Variants in NAALADL2 observed in about 807,000 individuals in gnomAD.
The protein encoded by NAALADL2 is N-acetylated alpha-linked acidic dipeptidase like 2.
Under a neutral mutation model 87.2 loss-of-function variants are expected in NAALADL2, and 76 were observed. The ratio of observed to expected loss-of-function variants is 0.87; its 90% CI spans 0.72 to 1.05. The LOEUF (loss-of-function observed/expected upper bound fraction) is 1.05. Ranked by LOEUF, NAALADL2 falls within the 50% of genes least tolerant of loss-of-function variation. NAALADL2 has a pLI of 0.00. For synonymous variants in NAALADL2, 354 were observed against 331.0 expected (o/e 1.07, Z -0.75); for missense variants, 1,089 against 945.8 (o/e 1.15, Z -1.99).
intron 2 of NAALADL2, among the ~76,000 whole-genome samples, chr3:174,600,858 T>A (rs890398747): frequency 1.3e-5 from 2 of 152,164 alleles, no homozygotes; most frequent in African/African-American, 4.8e-5. Flanking sequence ...TCTGCTCCCA[T>A]GATCCAGTCA....
chr3:174,812,922 AAAAGT>A (rs1181492570), intron 3 of NAALADL2, among the ~76,000 whole-genome samples: 2 of 152,320 alleles, frequency 1.3e-5, no homozygotes, highest in South Asian at 2.1e-4. Flanking sequence ...AAAGAATCAA[AAAAGT>A]AAAGACATTA....
chr3:175,740,826 G>C (rs1393794798), intron 12 of NAALADL2, among the ~76,000 whole-genome samples: 1 of 152,074 alleles, frequency 6.6e-6, no homozygotes, highest in African/African-American at 2.4e-5. Context: ...TAATAAACTT[G>C]CTTTTGATTT....
At chr3:175,183,742 T>G (rs73043257) in intron 2 of NAALADL2, among the ~76,000 whole-genome samples, 1 of 152,228 alleles carries the variant, frequency 6.6e-6, no homozygotes, top group African/African-American at 2.4e-5. Context: ...TAGGATTTTG[T>G]TGAGGACATT....
At chr3:175,780,945 T>C (rs554003544) in intron 13 of NAALADL2, among the ~76,000 whole-genome samples, 122 of 151,652 alleles carry the variant, frequency 8.0e-4, no homozygotes, top group Non-Finnish European at 1.4e-3. Context: ...AATAATCTTA[T>C]TTATTTTCAA....
intron 5 of NAALADL2, among the ~76,000 whole-genome samples, chr3:175,445,715 TTTC>T (rs1477940358): frequency 2.0e-5 from 3 of 152,244 alleles, no homozygotes; most frequent in Non-Finnish European, 2.9e-5. Flanking sequence ...AATGATTAAA[TTTC>T]TTCTTGCACA....
intron 1 of NAALADL2, among the ~76,000 whole-genome samples, chr3:174,990,699 A>C (rs1001079674): frequency 7.9e-5 from 12 of 152,126 alleles, no homozygotes; most frequent in African/African-American, 2.9e-4. Flanking sequence ...ATACAAGTAT[A>C]TTTTCATTGC....
At chr3:175,302,764 A>G (rs912713524) in intron 4 of NAALADL2, among the ~76,000 whole-genome samples, 6 of 152,114 alleles carry the variant, frequency 3.9e-5, no homozygotes, top group East Asian at 1.9e-4. Context: ...TACTTACTCA[A>G]TTTAAATGCA....
At chr3:174,623,860 G>A (rs1721290166) in intron 2 of NAALADL2, among the ~76,000 whole-genome samples, 1 of 152,060 alleles carries the variant, frequency 6.6e-6, no homozygotes, top group Admixed American at 6.6e-5. Context: ...CTTCTACCAT[G>A]TAAATAGGAG....
intron 2 of NAALADL2, among the ~76,000 whole-genome samples, chr3:175,111,847 G>C (rs1724244608): frequency 6.6e-6 from 1 of 151,612 alleles, no homozygotes; most frequent in Admixed American, 6.6e-5. Context: ...TTATTGTGAA[G>C]ACTTGAAATC....
intron 2 of NAALADL2, among the ~76,000 whole-genome samples, chr3:174,702,875 T>C (rs1363205945): frequency 6.6e-6 from 1 of 152,154 alleles, no homozygotes; most frequent in Non-Finnish European, 1.5e-5. Flanking sequence ...TAGTTTATGA[T>C]TGATTTATGT....
At chr3:175,384,343 A>AT (rs1476454016) in intron 5 of NAALADL2, among the ~76,000 whole-genome samples, 1 of 152,072 alleles carries the variant, frequency 6.6e-6, no homozygotes, top group Non-Finnish European at 1.5e-5. Flanking sequence ...GATGACACAG[A>AT]TTTTGTATTC....
intron 2 of NAALADL2, among the ~76,000 whole-genome samples, chr3:174,605,290 C>G (rs962110891): frequency 6.6e-6 from 1 of 152,288 alleles, no homozygotes; most frequent in Non-Finnish European, 1.5e-5. Context: ...GTTCATCTCA[C>G]TAGGAAGTGC....
At chr3:175,165,094 G>C (rs566865756) in intron 2 of NAALADL2, among the ~76,000 whole-genome samples, 2 of 152,202 alleles carry the variant, frequency 1.3e-5, no homozygotes, top group African/African-American at 4.8e-5. Context: ...ACTTATATTT[G>C]ACTTCTGATC....
chr3:175,439,513 T>A (rs199794003), intron 5 of NAALADL2, among the ~76,000 whole-genome samples: 54 of 147,210 alleles, frequency 3.7e-4, no homozygotes, highest in African/African-American at 1.1e-3. Flanking sequence ...TATTTTTTTT[T>A]AATTTTTTGA....
chr3:175,786,856 G>T (rs1035821559), intron 13 of NAALADL2, among the ~76,000 whole-genome samples: 11 of 152,020 alleles, frequency 7.2e-5, no homozygotes, highest in Admixed American at 4.6e-4. Context: ...TCTACTTTTG[G>T]TCTTTGATTA....
At chr3:174,525,959 A>G (rs986200478) in intron 1 of NAALADL2, among the ~76,000 whole-genome samples, 10 of 152,168 alleles carry the variant, frequency 6.6e-5, no homozygotes, top group Non-Finnish European at 1.2e-4. Flanking sequence ...AGTTTCATAG[A>G]TTTTAATTAG....
chr3:175,625,507 C>T (rs987723214), intron 10 of NAALADL2, among the ~76,000 whole-genome samples: 1 of 151,862 alleles, frequency 6.6e-6, no homozygotes, highest in Non-Finnish European at 1.5e-5. Flanking sequence ...TTGATGATAT[C>T]ATTTAAACTG....
chr3:174,520,729 C>T (rs958249952), intron 1 of NAALADL2, among the ~76,000 whole-genome samples: 1 of 152,114 alleles, frequency 6.6e-6, no homozygotes, highest in African/African-American at 2.4e-5. Context: ...ACTTAAAATG[C>T]TTCTGCACGA....
At chr3:174,815,994 A>G (rs571598520) in intron 3 of NAALADL2, among the ~76,000 whole-genome samples, 1 of 152,132 alleles carries the variant, frequency 6.6e-6, no homozygotes, top group East Asian at 1.9e-4. Context: ...TGAATTTTGA[A>G]GGATGCACAA....
Sources: allele counts gnomAD v4.1 joint callset (sites outside exome capture counted in the v4.1 genomes callset), GRCh38; gene constraint gnomAD v4.1.1; transcripts MANE v1.5; gene names NCBI Gene and HGNC (gene_info 2026-07-23, HGNC 2026-07-21).